Variants in SYTL2 observed in about 807,000 individuals in gnomAD.
SYTL2 encodes synaptotagmin like 2, also known as synaptotagmin-like protein 2.
SYTL2 carries 165 observed loss-of-function variants against 198.7 expected under a neutral mutation model. That is an observed-to-expected ratio of 0.83 (90% confidence interval 0.73 to 0.94). The LOEUF (loss-of-function observed/expected upper bound fraction) is 0.94. SYTL2 is among the 40% of genes least tolerant of loss of function. The probability of loss-of-function intolerance (pLI) is 0.00; values close to 1 mark genes in which losing one functional copy is unlikely to be tolerated. For synonymous variants in SYTL2, 966 were observed against 917.7 expected (o/e 1.05, Z -0.95); for missense variants, 2,835 against 2,582.8 (o/e 1.10, Z -2.12).
chr11:85,789,380 A>ATG (rs2092696494), intron 1 of SYTL2, among the ~76,000 whole-genome samples: 1 of 72,282 alleles, frequency 1.4e-5, no homozygotes, highest in Non-Finnish European at 2.8e-5. Context: ...ATATATATGT[A>ATG]TATATATATA....
intron 18 of SYTL2, among the ~76,000 whole-genome samples, chr11:85,697,265 C>A (rs1050369538): frequency 1.3e-5 from 2 of 152,268 alleles, no homozygotes; most frequent in East Asian, 3.9e-4. Flanking sequence ...GTCTTGAACT[C>A]CTGGGCTCCA....
At chr11:85,811,493 A>C (rs2093033377), upstream of SYTL2, among the ~76,000 whole-genome samples, 2 of 152,044 alleles carry the variant, frequency 1.3e-5, no homozygotes, top group South Asian at 2.1e-4. Flanking sequence ...GAGAGTGTGG[A>C]GCACTAGGAG....
chr11:85,755,422 C>T (rs902381376), intron 2 of SYTL2, among the ~76,000 whole-genome samples: 6 of 152,120 alleles, frequency 3.9e-5, no homozygotes, highest in African/African-American at 1.4e-4. Flanking sequence ...GGCTTTTCAC[C>T]AATCCAAGCC....
chr11:85,765,262 A>T (rs2092210054), intron 1 of SYTL2, among the ~76,000 whole-genome samples: 1 of 152,166 alleles, frequency 6.6e-6, no homozygotes. Flanking sequence ...TTTGAGACAG[A>T]GTCTCGCCCT....
At position 85,791,642 on chromosome 11, in the gene SYTL2, C is replaced by T. The variant is rs2092732488; in HGVS notation, c.-390+19312G>A. ...TTTGTACTACTATCCATTGTGAACA[C>T]AGCAAACAGTTGTTTTCCAATGTGC... On this transcript the variant is annotated intron_variant, in intron 1 of 19. Coordinates refer to ENST00000359152, the MANE Select transcript of SYTL2 (RefSeq NM_206927.4). Among the ~76,000 whole-genome samples, 2 of 150,774 alleles carry T rather than the reference C, an allele frequency of 1.3e-5. 1 individual carries two copies. The highest frequency in any genetic ancestry group is 4.1e-4 in the South Asian group (2 of 4,832).
the SYTL2 span, among the ~76,000 whole-genome samples, chr11:85,817,110 A>T: frequency 1.3e-5 from 2 of 152,202 alleles, no homozygotes; most frequent in African/African-American, 2.4e-5. Context: ...CTAACTTTTT[A>T]AAATAATCCA....
chr11:85,828,892 G>T, the SYTL2 span, among the ~76,000 whole-genome samples: 1 of 152,174 alleles, frequency 6.6e-6, no homozygotes, highest in African/African-American at 2.4e-5. Context: ...TCTGCCTGCT[G>T]TCTCAGATCA....
chr11:85,708,153 CAAAA>C, intron 14 of SYTL2: 2 of 338,902 alleles, frequency 5.9e-6, no homozygotes, highest in Admixed American at 3.6e-5. Context: ...AACTCCACCT[CAAAA>C]AAAAAAAAGA....
intron 16 of SYTL2, among the ~76,000 whole-genome samples, chr11:85,703,397 G>T (rs753011559): frequency 6.6e-6 from 1 of 152,056 alleles, no homozygotes; most frequent in African/African-American, 2.4e-5. Flanking sequence ...ATCTGGAAAA[G>T]AACACATAAC....
intron 13 of SYTL2, among the ~76,000 whole-genome samples, chr11:85,710,058 C>G (rs1022124961): frequency 5.3e-5 from 8 of 152,174 alleles, no homozygotes; most frequent in African/African-American, 7.2e-5. Flanking sequence ...GATGCTGGCT[C>G]ATTTCAAAGC....
At chr11:85,854,790 G>A in the SYTL2 span, 1 of 152,236 alleles carries the variant, frequency 6.6e-6, no homozygotes, top group Non-Finnish European at 1.5e-5. Flanking sequence ...CAAACTCTGA[G>A]ATCCAAATGA....
chr11:85,721,515 G>C (rs1810491482), intron 8 of SYTL2, among the ~76,000 whole-genome samples: 2 of 151,998 alleles, frequency 1.3e-5, no homozygotes, highest in South Asian at 4.1e-4. Context: ...ATTTTAGTAA[G>C]GCATTTTAAA....
intron 13 of SYTL2, among the ~76,000 whole-genome samples, chr11:85,710,889 A>T (rs1047424679): frequency 6.6e-6 from 1 of 152,198 alleles, no homozygotes; most frequent in African/African-American, 2.4e-5. Flanking sequence ...ACTTACATCA[A>T]CAACAACAAA....
At chr11:85,783,636 A>G (rs2092596022) in intron 1 of SYTL2, among the ~76,000 whole-genome samples, 1 of 152,238 alleles carries the variant, frequency 6.6e-6, no homozygotes, top group Admixed American at 6.5e-5. Context: ...ATATTAACTC[A>G]TTAATTTCTC....
chr11:85,709,711 C>T (rs919115056), intron 13 of SYTL2, among the ~76,000 whole-genome samples: 2 of 152,180 alleles, frequency 1.3e-5, no homozygotes, highest in African/African-American at 4.8e-5. Flanking sequence ...GAGACAGAGT[C>T]TCACTCTGTT....
chr11:85,774,749 C>T (rs1190346654), intron 1 of SYTL2, among the ~76,000 whole-genome samples: 1 of 152,192 alleles, frequency 6.6e-6, no homozygotes, highest in Non-Finnish European at 1.5e-5. Context: ...AATCCTTGCA[C>T]TGATCTGGAC....
In SYTL2 at chr11:85,700,503, G is replaced by A. The variant is rs2153374797; in HGVS notation, c.6268+12C>T. ...GAAAGGACATAAATCTGAATAGAAA[G>A]TCATTACATACCAGGGACTGGCTCT... is the stretch of plus-strand genomic sequence containing the variant. On this transcript the variant is annotated intron_variant, in intron 17 of 19. Coordinates refer to ENST00000359152, the MANE Select transcript of SYTL2 (RefSeq NM_206927.4). 1 of 1,602,614 alleles carries A rather than the reference G, an allele frequency of 6.2e-7. No individual in the cohort carries two copies. The highest frequency in any genetic ancestry group is 1.1e-5 in the South Asian group (1 of 90,824).
At chr11:85,773,404 T>C (rs1163866949) in intron 1 of SYTL2, among the ~76,000 whole-genome samples, 2 of 152,270 alleles carry the variant, frequency 1.3e-5, no homozygotes, top group African/African-American at 4.8e-5. Context: ...CTGCAAGGTC[T>C]TTCTCCAGCT....
In SYTL2 at chr11:85,701,712, C is replaced by T. The variant is rs566096256; in HGVS notation, c.6190-1119G>A. Reference sequence around the variant, plus strand: ...TAAAACAGTTCCACTGTTGTGTAGACACTAAGTTATGGTTTGTATTAGTTA... The same window carrying T: ...TAAAACAGTTCCACTGTTGTGTAGATACTAAGTTATGGTTTGTATTAGTTA... On this transcript the variant is annotated intron_variant, in intron 16 of 19. Transcript: ENST00000359152. Among the ~76,000 whole-genome samples the T allele has an allele frequency of 5.3e-5, 8 of 152,208 alleles. No homozygotes were observed. In the South Asian group the frequency reaches 1.5e-3, roughly 28 times the overall value.
Sources: gnomAD v4.1 joint callset for allele counts (sites outside exome capture counted in the v4.1 genomes callset) on GRCh38, gnomAD v4.1.1 for gene constraint, MANE v1.5 for transcripts, NCBI Gene and HGNC (gene_info 2026-07-23, HGNC 2026-07-21) for gene names.